The following NAV3 variants were observed in gnomAD, a reference collection of about 807,000 sequenced individuals.
NAV3 encodes the protein pore membrane and/or filament interacting like protein 1.
NAV3 carries 87 observed loss-of-function variants against 244.7 expected under a neutral mutation model. That is an observed-to-expected ratio of 0.36 (90% confidence interval 0.30 to 0.42). The LOEUF is 0.42. Ranked by LOEUF, NAV3 falls within the 20% of genes least tolerant of loss-of-function variation. NAV3 has a pLI of 1.00. For synonymous variants in NAV3, 1,126 were observed against 1,042.2 expected, an observed-to-expected ratio of 1.08 and a Z score of -1.55; for missense variants, 2,663 against 2,893.3, an observed-to-expected ratio of 0.92 and a Z score of 1.83.
At chr12:78,040,856 C>G (rs1052261244) in intron 9 of NAV3, among the ~76,000 whole-genome samples, 11 of 152,136 alleles carry the variant, frequency 7.2e-5, no homozygotes, top group Non-Finnish European at 1.5e-4. Context: ...AATTTTGTCC[C>G]CTTCACTACT....
chr12:78,046,210 TTTTTGTGTCTCTATCTC>T (rs1160580361), intron 9 of NAV3, among the ~76,000 whole-genome samples: 1 of 152,124 alleles, frequency 6.6e-6, no homozygotes, highest in Non-Finnish European at 1.5e-5. Flanking sequence ...TTTTGAAGGG[TTTTTGTGTCTCTATCTC>T]CTTCAGTTCT....
intron 1 of NAV3, among the ~76,000 whole-genome samples, chr12:77,891,177 G>A (rs953527916): frequency 1.3e-5 from 2 of 150,764 alleles, no homozygotes; most frequent in African/African-American, 4.9e-5. Context: ...AATTTTCCCA[G>A]TAATTTAGGT....
At chr12:78,068,810 G>T (rs1046668986) in intron 12 of NAV3, among the ~76,000 whole-genome samples, 1 of 151,220 alleles carries the variant, frequency 6.6e-6, no homozygotes, top group Non-Finnish European at 1.5e-5. Context: ...AATACTAAAA[G>T]AGCACTTATA....
At chr12:78,192,885 G>A (rs1340794018) in intron 34 of NAV3, among the ~76,000 whole-genome samples, 2 of 152,092 alleles carry the variant, frequency 1.3e-5, no homozygotes, top group South Asian at 4.1e-4. Flanking sequence ...TTGCCAAATT[G>A]ACAGAGAATA....
chr12:77,835,144 CTT>C (rs1874408191), intron 1 of NAV3, among the ~76,000 whole-genome samples: 1 of 152,100 alleles, frequency 6.6e-6, no homozygotes, highest in South Asian at 2.1e-4. Context: ...ACCTCATAGT[CTT>C]GAGTAGATAA....
chr12:77,911,276 A>T (rs1886557720), intron 1 of NAV3, among the ~76,000 whole-genome samples: 1 of 152,136 alleles, frequency 6.6e-6, no homozygotes, highest in Admixed American at 6.6e-5. Context: ...TAGTCTTTGG[A>T]AATTCCAGAA....
At chr12:77,666,179 G>GTTTTTTT (rs35767149) in intron 2 of NAV3, among the ~76,000 whole-genome samples, 3 of 119,164 alleles carry the variant, frequency 2.5e-5, no homozygotes, top group Non-Finnish European at 3.4e-5. Context: ...CATGTTTACA[G>GTTTTTTT]TTTTTTTTTT....
intron 1 of NAV3, among the ~76,000 whole-genome samples, chr12:77,853,066 C>G (rs898535971): frequency 6.6e-6 from 1 of 152,170 alleles, no homozygotes; most frequent in Admixed American, 6.5e-5. Flanking sequence ...GCCACCATTT[C>G]TAAAGTGGTT....
At chr12:78,150,635 A>T (rs1957043069) in intron 22 of NAV3, among the ~76,000 whole-genome samples, 1 of 57,948 alleles carries the variant, frequency 1.7e-5, no homozygotes, top group Non-Finnish European at 3.4e-5. Context: ...GCTTCCTCAC[A>T]CACACACACA....
chr12:78,188,786 A>G lies in NAV3; in HGVS notation c.6055+9A>G, dbSNP rs400289. The stretch of plus-strand genomic sequence containing the variant: ...CACTGTGAACCTCAAAGGTAAAAGC[A>G]ATAATGAAAAGCAAGGCAGAAATAT... On this transcript the variant is annotated intron_variant, in intron 33 of 39. Transcript: ENST00000397909. 0.97 allele frequency: 1,566,038 copies of G among 1,607,846 alleles called. 763,172 individuals are homozygous for G. Among genetic ancestry groups the G allele is most frequent in the East Asian group, 1 (44,666 of 44,666 alleles).
intron 2 of NAV3, among the ~76,000 whole-genome samples, chr12:77,812,885 G>A (rs1222180958): frequency 6.6e-6 from 1 of 151,978 alleles, no homozygotes; most frequent in Non-Finnish European, 1.5e-5. Context: ...GGAGTACAGT[G>A]GCATGATCTT....
At position 77,706,083 on chromosome 12, in the gene NAV3, TAAAC is replaced by T. The variant is rs537298800; in HGVS notation, c.72+133822_72+133825del. ...TCTTTTGTAAAGAGAGGAAAGTTAT[TAAAC>T]AAACTCTAACTTTTATGATGCATAC... On this transcript the variant is annotated intron_variant, in intron 2 of 8. Coordinates refer to the NAV3 transcript ENST00000550042. Among the ~76,000 whole-genome samples the T allele has an allele frequency of 3.0e-4, 45 of 151,370 alleles. 2 individuals are homozygous for T. Among genetic ancestry groups the T allele is most frequent in the African/African-American group, 8.3e-4 (34 of 40,858 alleles).
intron 2 of NAV3, among the ~76,000 whole-genome samples, chr12:77,657,367 T>C (rs1344003699): frequency 6.6e-6 from 1 of 152,104 alleles, no homozygotes; most frequent in African/African-American, 2.4e-5. Context: ...AAGAAATGGA[T>C]AAATTCCTCG....
chr12:77,849,794 A>G lies in NAV3; in HGVS notation c.243+18090A>G, dbSNP rs551502227. Among the ~76,000 whole-genome samples, 3 of 152,302 alleles carry G rather than the reference A, an allele frequency of 2.0e-5. No individual in the cohort carries two copies. The South Asian group carries it at 6.2e-4, about 32-fold the overall frequency. Reference sequence around the variant, plus strand: ...TTAATAATTTTGGCCTTAGCAGAGTATACTAAGTCTACCTTGAGCGATGCT... The same window carrying G: ...TTAATAATTTTGGCCTTAGCAGAGTGTACTAAGTCTACCTTGAGCGATGCT... On this transcript the variant is annotated intron_variant, in intron 1 of 39. Coordinates refer to ENST00000397909, the MANE Select transcript of NAV3 (RefSeq NM_001024383.2).
intron 3 of NAV3, among the ~76,000 whole-genome samples, chr12:77,952,971 C>T (rs190160157): frequency 1.3e-5 from 2 of 151,930 alleles, no homozygotes; most frequent in East Asian, 3.9e-4. Context: ...ACAATAAATT[C>T]CCTTGTTTGG....
intron 39 of NAV3, among the ~76,000 whole-genome samples, chr12:78,207,640 G>C (rs1312778828): frequency 6.6e-6 from 1 of 152,184 alleles, no homozygotes; most frequent in Non-Finnish European, 1.5e-5. Context: ...TAAAGAAATA[G>C]AATGTGAAAC....
At chr12:78,206,689 A>G (rs1323752881) in intron 39 of NAV3, among the ~76,000 whole-genome samples, 3 of 152,040 alleles carry the variant, frequency 2.0e-5, no homozygotes, top group African/African-American at 7.2e-5. Context: ...GGGTAAAAAA[A>G]TTTCCTGGTT....
intron 22 of NAV3, among the ~76,000 whole-genome samples, chr12:78,155,278 G>T (rs1037465466): frequency 6.6e-6 from 1 of 152,036 alleles, no homozygotes; most frequent in African/African-American, 2.4e-5. Context: ...GTGGTGTTTG[G>T]TTTTCTCTTC....
chr12:78,133,210 C>T (rs1288073372), intron 18 of NAV3, among the ~76,000 whole-genome samples: 1 of 151,970 alleles, frequency 6.6e-6, no homozygotes, highest in African/African-American at 2.4e-5. Context: ...CGTATGGCTT[C>T]AAATCAGGCA....
Sources: gnomAD v4.1 joint callset for allele counts (sites outside exome capture counted in the v4.1 genomes callset) on GRCh38, gnomAD v4.1.1 for gene constraint, MANE v1.5 for transcripts, NCBI Gene and HGNC (gene_info 2026-07-23, HGNC 2026-07-21) for gene names.